The following ZBTB16 variants were observed in gnomAD, a reference collection of about 807,000 sequenced individuals.
ZBTB16 encodes the protein zinc finger and BTB domain containing 16, also known as zinc finger and BTB domain-containing protein 16.
Under a neutral mutation model 56.8 loss-of-function variants are expected in ZBTB16, and 8 were observed. The ratio of observed to expected loss-of-function variants is 0.14; its 90% CI spans 0.08 to 0.25. ZBTB16 has a LOEUF of 0.25. Among genes scored for constraint, ZBTB16 ranks in the 10% least tolerant of loss-of-function variants. ZBTB16 has a pLI of 1.00. For missense variants in ZBTB16, 625 were observed against 903.0 expected, an observed-to-expected ratio of 0.69 and a Z score of 3.95; for synonymous variants, 363 against 368.5, an observed-to-expected ratio of 0.98 and a Z score of 0.17.
intron 4 of ZBTB16, among the ~76,000 whole-genome samples, chr11:114,214,475 A>G (rs1944056578): frequency 6.6e-6 from 1 of 152,148 alleles, no homozygotes; most frequent in Admixed American, 6.5e-5. Flanking sequence ...AGTTGTATTA[A>G]CTCTCACAGC....
intron 3 of ZBTB16, among the ~76,000 whole-genome samples, chr11:114,164,762 AC>A (rs1483702985): frequency 2.0e-5 from 3 of 150,706 alleles, no homozygotes; most frequent in Admixed American, 2.0e-4. Flanking sequence ...GAGGGGCCCC[AC>A]CCTGCTTTGG....
chr11:114,186,527 A>T (rs1169673093), intron 3 of ZBTB16, among the ~76,000 whole-genome samples: 1 of 152,178 alleles, frequency 6.6e-6, no homozygotes, highest in Admixed American at 6.5e-5. Context: ...AGAGGTCCCC[A>T]TGGACATCCA....
Position 114,187,050 on chromosome 11 carries a change from TG to T in ZBTB16, c.1453+14del, listed in dbSNP as rs1943376892. On this transcript the variant is annotated intron_variant, in intron 4 of 6. Coordinates refer to ENST00000335953, the MANE Select transcript of ZBTB16 (RefSeq NM_006006.6). ...GCAGACCCATACTGGTGAGTTGACT[TG>T]GATTCCTGTTCTCCAGGTTTTCCAC... 1 of 1,613,488 alleles carries T rather than the reference TG, an allele frequency of 6.2e-7. No individual in the cohort carries two copies. Among genetic ancestry groups the T allele is most frequent in the South Asian group, 1.1e-5 (1 of 91,074 alleles).
chr11:114,181,132 C>T (rs1443636798), intron 3 of ZBTB16, among the ~76,000 whole-genome samples: 1 of 152,150 alleles, frequency 6.6e-6, no homozygotes, highest in African/African-American at 2.4e-5. Flanking sequence ...AGATAAATGG[C>T]CCCCAAATAA....
intron 4 of ZBTB16, among the ~76,000 whole-genome samples, chr11:114,230,384 T>C (rs1944414863): frequency 6.6e-6 from 1 of 152,106 alleles, no homozygotes; most frequent in Non-Finnish European, 1.5e-5. Flanking sequence ...CTATGTATGC[T>C]CTGGGAGCTT....
intron 4 of ZBTB16, among the ~76,000 whole-genome samples, chr11:114,200,529 A>T (rs1040955272): frequency 6.6e-6 from 1 of 152,170 alleles, no homozygotes; most frequent in African/African-American, 2.4e-5. Context: ...TGCATCACTG[A>T]TGAGGAATCA....
intron 2 of ZBTB16, among the ~76,000 whole-genome samples, chr11:114,080,428 C>G (rs1167689840): frequency 6.6e-6 from 1 of 152,110 alleles, no homozygotes; most frequent in Non-Finnish European, 1.5e-5. Flanking sequence ...TGCACATGCT[C>G]GCTCTCGCTG....
At chr11:114,146,557 T>G (rs1942108608) in intron 2 of ZBTB16, among the ~76,000 whole-genome samples, 1 of 152,024 alleles carries the variant, frequency 6.6e-6, no homozygotes, top group Non-Finnish European at 1.5e-5. Context: ...CATTAAAACC[T>G]CAGTTGGGGC....
chr11:114,147,783 G>A (rs911437731), intron 2 of ZBTB16, among the ~76,000 whole-genome samples: 7 of 152,188 alleles, frequency 4.6e-5, no homozygotes, highest in Non-Finnish European at 8.8e-5. Flanking sequence ...ACATCTGCCA[G>A]GTTTTTGTGC....
chr11:114,145,146 TCTTTATTCATTTATTCACTTAG>T (rs1160043773), intron 2 of ZBTB16, among the ~76,000 whole-genome samples: 3 of 152,220 alleles, frequency 2.0e-5, no homozygotes, highest in African/African-American at 4.8e-5. Flanking sequence ...GCAGAGGAAA[TCTTTATTCATTTATTCACTTAG>T]TCCAAAAATG....
In ZBTB16 at chr11:114,059,995, G is replaced by T; in HGVS notation, c.-91+113G>T. 1 of 392,024 alleles carries T rather than the reference G, an allele frequency of 2.6e-6. No individual in the cohort carries two copies. Among genetic ancestry groups the T allele is most frequent in the East Asian group, 3.6e-5 (1 of 27,694 alleles). The allele number at this position is 392,024 out of a possible 1,614,324, so 24.3% of individuals were successfully genotyped here. On this transcript the variant is annotated intron_variant, in intron 1 of 6. Coordinates refer to ENST00000335953, the MANE Select transcript of ZBTB16 (RefSeq NM_006006.6). The surrounding 1 kb of genome is among the most constrained non-coding windows in gnomAD (Gnocchi z 5.3). Reference sequence around the variant, plus strand: ...GCTCGCTTCGGCCACTCGGCCGCTGGGCTTGTGCCTTTTTTATTTGGCGTG... The same window carrying T: ...GCTCGCTTCGGCCACTCGGCCGCTGTGCTTGTGCCTTTTTTATTTGGCGTG...
chr11:114,112,336 C>T (rs77533392), intron 2 of ZBTB16, among the ~76,000 whole-genome samples: 2,371 of 152,022 alleles, frequency 0.016, 63 homozygotes, highest in African/African-American at 0.055. Context: ...ATGTCTGTAG[C>T]GTAGATTTTA....
chr11:114,113,764 G>A (rs1206835737), intron 2 of ZBTB16, among the ~76,000 whole-genome samples: 4 of 152,180 alleles, frequency 2.6e-5, no homozygotes, highest in Non-Finnish European at 5.9e-5. Context: ...CCTAAATGAA[G>A]CTAGTGGAGG....
rs904420692 is a variant in ZBTB16, at chr11:114,156,520, C to T, written c.1366+86C>T. ...ACCCCTCCTCAGAGCCTGCTGTGGCCTGCATGTCCCCACTGCCCGCTGGGG... is the reference window on the plus strand; with the variant it reads ...ACCCCTCCTCAGAGCCTGCTGTGGCTTGCATGTCCCCACTGCCCGCTGGGG... On this transcript the variant is annotated intron_variant, in intron 3 of 6. Transcript: ENST00000335953. 1.8e-5 allele frequency: 23 copies of T among 1,284,134 alleles called. No individual in the cohort carries two copies. The African/African-American group carries it at 2.9e-4, about 16-fold the overall frequency. 79.5% of individuals were successfully genotyped at this position (1,284,134 alleles called of 1,614,324 possible). A position where few individuals can be genotyped will look rare whatever the true frequency, so the allele number is the denominator to read the frequency against.
chr11:114,111,599 T>A (rs73000965), intron 2 of ZBTB16, among the ~76,000 whole-genome samples: 38,611 of 152,130 alleles, frequency 0.25, 5,632 homozygotes, highest in Middle Eastern at 0.31. Flanking sequence ...TTTTTGTGGT[T>A]TAGAACCTCA....
At chr11:114,213,020 C>G (rs1029902695) in intron 4 of ZBTB16, among the ~76,000 whole-genome samples, 17 of 152,052 alleles carry the variant, frequency 1.1e-4, no homozygotes, top group South Asian at 2.1e-4. Context: ...GAGTGGCCCA[C>G]CCATGGAAGC....
At position 114,064,429 on chromosome 11, in the gene ZBTB16, C is replaced by A; in HGVS notation, c.1129C>A (p.Gln377Lys). ...CAGCACCTATGGGGGGCTGCTGCCCCAGGGCTTCATCCAGAGGGAGCTGTT... is the reference window on the plus strand; with the variant it reads ...CAGCACCTATGGGGGGCTGCTGCCCAAGGGCTTCATCCAGAGGGAGCTGTT... ...DFSTYGGLLP[Q>K]GFIQRELFSK... is the part of the protein sequence containing the mutation. The change falls in exon 2 of 7, where the codon CAG (glutamine) becomes AAG (lysine). Residue 377 changes from glutamine to lysine, a missense_variant. Transcript: ENST00000335953. This position sits in a 1 kb window ranked among gnomAD's most constrained non-coding sequence, Gnocchi z 4.2. 1.2e-6 allele frequency: 2 copies of A among 1,614,134 alleles called. No homozygotes were observed. Among genetic ancestry groups the A allele is most frequent in the Non-Finnish European group, 1.7e-6 (2 of 1,180,040 alleles).
chr11:114,127,778 C>G (rs1251255649), intron 2 of ZBTB16, among the ~76,000 whole-genome samples: 6 of 152,170 alleles, frequency 3.9e-5, no homozygotes, highest in African/African-American at 1.4e-4. Flanking sequence ...TAGCACATGG[C>G]TATGCAGACT....
intron 4 of ZBTB16, among the ~76,000 whole-genome samples, chr11:114,238,866 C>G (rs1386464545): frequency 6.6e-6 from 1 of 152,150 alleles, no homozygotes; most frequent in East Asian, 1.9e-4. Context: ...TCCTTTGCTT[C>G]TCAGATACTC....
Sources: allele counts gnomAD v4.1 joint callset (sites outside exome capture counted in the v4.1 genomes callset), GRCh38; gene constraint gnomAD v4.1.1; non-coding constraint Gnocchi (gnomAD v3.1); transcripts MANE v1.5; gene names NCBI Gene and HGNC (gene_info 2026-07-23, HGNC 2026-07-21).